IL1RL1: variants seen among roughly 807,000 people sequenced by gnomAD.
IL1RL1 encodes the protein interleukin-1 receptor-like 1.
In IL1RL1, 32 loss-of-function variants were observed where a neutral mutation model predicts 50.9. That is an observed-to-expected ratio of 0.63 (90% CI 0.47 to 0.84). The LOEUF is 0.84. Among genes scored for constraint, IL1RL1 ranks in the 40% least tolerant of loss-of-function variants. The pLI is 0.00. For synonymous variants in IL1RL1, 275 were observed against 236.0 expected (o/e 1.17, Z -1.51); for missense variants, 773 against 662.9 (o/e 1.17, Z -1.82).
intron 1 of IL1RL1, among the ~76,000 whole-genome samples, chr2:102,320,016 CTT>C (rs1234385650): frequency 2.0e-5 from 3 of 152,156 alleles, no homozygotes; most frequent in Non-Finnish European, 4.4e-5. Context: ...ATTTTAAAAA[CTT>C]TTCTTTATTC....
rs981202776 is a variant in IL1RL1, at chr2:102,330,843, T to C, written c.-149-7273T>C. Among the ~76,000 whole-genome samples the C allele has an allele frequency of 4.6e-5, 7 of 152,232 alleles. 1 individual carries two copies. Among genetic ancestry groups the C allele is most frequent in the Admixed American group, 3.3e-4 (5 of 15,286 alleles). On this transcript the variant is annotated intron_variant, in intron 1 of 10. Coordinates refer to ENST00000233954, the MANE Select transcript of IL1RL1 (RefSeq NM_016232.5). The stretch of plus-strand genomic sequence containing the variant: ...TGATTTATTTTTCTTTCATGATTAG[T>C]GATTTTTGTATCCATTTAAAAAATA...
chr2:102,315,708 GC>G (rs1676655842), intron 1 of IL1RL1, among the ~76,000 whole-genome samples: 1 of 152,124 alleles, frequency 6.6e-6, no homozygotes, highest in South Asian at 2.1e-4. Flanking sequence ...ACTAGTCTGT[GC>G]CAGATCACGA....
At chr2:102,311,997 ATATATT>A (rs1676518183) in intron 1 of IL1RL1, among the ~76,000 whole-genome samples, 4 of 27,992 alleles carry the variant, frequency 1.4e-4, no homozygotes, top group African/African-American at 2.9e-4. Flanking sequence ...ATTATATATA[ATATATT>A]TATATATATT....
chr2:102,349,986 A>G (rs1047282280), intron 10 of IL1RL1, among the ~76,000 whole-genome samples: 4 of 152,244 alleles, frequency 2.6e-5, no homozygotes, highest in Non-Finnish European at 2.9e-5. Flanking sequence ...CATTTTACTA[A>G]GAAGAGGAAT....
intron 1 of IL1RL1, among the ~76,000 whole-genome samples, chr2:102,315,939 A>C (rs1395128720): frequency 1.3e-5 from 2 of 152,220 alleles, no homozygotes; most frequent in Non-Finnish European, 2.9e-5. Context: ...TTAGAGGTCT[A>C]ATGTAAACAT....
chr2:102,315,787 C>T (rs10183388), intron 1 of IL1RL1, among the ~76,000 whole-genome samples: 73,209 of 151,938 alleles, frequency 0.48, 17,924 homozygotes, highest in Middle Eastern at 0.65. Flanking sequence ...AAAACTAGCC[C>T]CTATGCAAAG....
At chr2:102,325,457 A>G (rs1676970030) in intron 1 of IL1RL1, among the ~76,000 whole-genome samples, 1 of 152,244 alleles carries the variant, frequency 6.6e-6, no homozygotes, top group Non-Finnish European at 1.5e-5. Flanking sequence ...CTCCTCCTCC[A>G]GAGGAACACA....
chr2:102,312,020 A>AATATATAATATATATTT (rs1676525723), intron 1 of IL1RL1, among the ~76,000 whole-genome samples: 2 of 52,782 alleles, frequency 3.8e-5, no homozygotes, highest in African/African-American at 2.3e-4. Context: ...TATTATATAT[A>AATATATAATATATATTT]ATATATATTA....
At chr2:102,352,121 A>T, downstream of IL1RL1, 1 of 517,542 alleles carries the variant, frequency 1.9e-6, no homozygotes, top group Non-Finnish European at 3.4e-6. Context: ...TCAATCCTCC[A>T]CCATCCTCCA....
At chr2:102,323,186 C>G (rs1354503246) in intron 1 of IL1RL1, among the ~76,000 whole-genome samples, 1 of 149,780 alleles carries the variant, frequency 6.7e-6, no homozygotes, top group African/African-American at 2.5e-5. Context: ...TGTTAATTCT[C>G]TTGGGTAAGG....
chr2:102,350,954 G>A (rs530610860), intron 10 of IL1RL1, among the ~76,000 whole-genome samples: 2 of 152,286 alleles, frequency 1.3e-5, no homozygotes, highest in African/African-American at 4.8e-5. Context: ...TCACCATGGT[G>A]TCTACGCTGT....
chr2:102,325,894 A>G (rs1676984596), intron 1 of IL1RL1, among the ~76,000 whole-genome samples: 1 of 152,254 alleles, frequency 6.6e-6, no homozygotes, highest in African/African-American at 2.4e-5. Flanking sequence ...CCTGAAAGTG[A>G]CAGGTAGAAT....
At chr2:102,337,416 T>C (rs990101734) in intron 1 of IL1RL1, 1 of 152,368 alleles carries the variant, frequency 6.6e-6, no homozygotes, top group Non-Finnish European at 1.5e-5. Context: ...TTTATGTTAG[T>C]AAATTTCTAT....
chr2:102,329,937 C>G (rs1030991418), intron 1 of IL1RL1, among the ~76,000 whole-genome samples: 6 of 152,210 alleles, frequency 3.9e-5, no homozygotes, highest in African/African-American at 1.4e-4. Flanking sequence ...GTGGCGATTC[C>G]TCAGGGATCT....
At chr2:102,341,079 A>G (rs529076319) in intron 5 of IL1RL1, 10 of 722,136 alleles carry the variant, frequency 1.4e-5, no homozygotes, top group East Asian at 5.0e-5. Flanking sequence ...TTTTTTTGTG[A>G]CTTAATTTTC....
chr2:102,336,541 G>A (rs1407070820), intron 1 of IL1RL1, among the ~76,000 whole-genome samples: 1 of 152,166 alleles, frequency 6.6e-6, no homozygotes, highest in Non-Finnish European at 1.5e-5. Context: ...ACTATGCATA[G>A]CTAAAATCAA....
intron 1 of IL1RL1, among the ~76,000 whole-genome samples, chr2:102,317,171 G>A (rs562513427): frequency 1.3e-5 from 2 of 152,196 alleles, no homozygotes; most frequent in South Asian, 2.1e-4. Context: ...TGGCTAACAC[G>A]GTGAAACCCC....
intron 1 of IL1RL1, among the ~76,000 whole-genome samples, chr2:102,318,900 T>C (rs1377628229): frequency 6.6e-6 from 1 of 152,180 alleles, no homozygotes; most frequent in East Asian, 1.9e-4. Flanking sequence ...AAACTAATTA[T>C]TAACAAAATT....
chr2:102,345,235 C>T (rs1043401501), intron 8 of IL1RL1: 2 of 985,338 alleles, frequency 2.0e-6, no homozygotes. Flanking sequence ...TCCTTCTCCC[C>T]ACTCCCTTGG....
Sources: allele counts gnomAD v4.1 joint callset (sites outside exome capture counted in the v4.1 genomes callset), GRCh38; gene constraint gnomAD v4.1.1; transcripts MANE v1.5; gene names NCBI Gene and HGNC (gene_info 2026-07-23, HGNC 2026-07-21).